SMYD3: variants seen among roughly 807,000 people sequenced by gnomAD.
The protein encoded by SMYD3 is SET and MYND domain containing 3.
Under a neutral mutation model 57.7 loss-of-function variants are expected in SMYD3, and 36 were observed. The observed-to-expected ratio is 0.62, with a 90% CI of 0.48 to 0.82. SMYD3 has a LOEUF of 0.82. Ranked by LOEUF, SMYD3 falls within the 40% of genes least tolerant of loss-of-function variation. SMYD3 has a pLI of 0.00. For synonymous variants in SMYD3, 211 were observed against 195.0 expected, an observed-to-expected ratio of 1.08 and a Z score of -0.68; for missense variants, 515 against 538.8, an observed-to-expected ratio of 0.96 and a Z score of 0.44.
intron 5 of SMYD3, among the ~76,000 whole-genome samples, chr1:246,221,075 C>T (rs1054408697): frequency 6.6e-6 from 1 of 152,056 alleles, no homozygotes; most frequent in South Asian, 2.1e-4. Flanking sequence ...CTGCAGAGAA[C>T]AGTCTCTTAC....
At chr1:246,207,421 G>A (rs933986504) in intron 5 of SMYD3, among the ~76,000 whole-genome samples, 1 of 152,000 alleles carries the variant, frequency 6.6e-6, no homozygotes, top group Non-Finnish European at 1.5e-5. Context: ...ATCTCTTAGC[G>A]CTCCAAGATG....
chr1:245,949,309 C>CGTG (rs1306109705), intron 5 of SMYD3, among the ~76,000 whole-genome samples: 3 of 152,242 alleles, frequency 2.0e-5, no homozygotes, highest in East Asian at 3.9e-4. Flanking sequence ...ACATTTAGCC[C>CGTG]ACCACCGCCA....
chr1:246,077,031 G>T (rs1338954775), intron 5 of SMYD3, among the ~76,000 whole-genome samples: 1 of 152,132 alleles, frequency 6.6e-6, no homozygotes, highest in Non-Finnish European at 1.5e-5. Flanking sequence ...AGGTAAGCTG[G>T]GGGTGGGGAA....
In SMYD3 at chr1:245,893,021, T is replaced by G. The variant is rs565561472; in HGVS notation, c.813+22509A>C. The stretch of plus-strand genomic sequence containing the variant: ...GTACAGGATAAAGAACTCTCAAAAC[T>G]CAGTAAGAAAACACCCAATTTTTAA... On this transcript the variant is annotated intron_variant, in intron 8 of 11. Transcript: ENST00000490107. Among the ~76,000 whole-genome samples the G allele has an allele frequency of 2.7e-4, 41 of 152,170 alleles. 1 individual carries two copies. The highest frequency in any genetic ancestry group is 8.2e-4 in the African/African-American group (34 of 41,500).
chr1:245,803,414 CCAATTTCACGTATGAACT>C (rs1231096514), intron 10 of SMYD3, among the ~76,000 whole-genome samples: 22 of 145,252 alleles, frequency 1.5e-4, no homozygotes, highest in African/African-American at 6.3e-4. Context: ...TATGAACTGG[CCAATTTCACGTATGAACT>C]GGCCAATTTC....
At chr1:246,420,625 G>A (rs547739685) in intron 1 of SMYD3, among the ~76,000 whole-genome samples, 6 of 152,270 alleles carry the variant, frequency 3.9e-5, no homozygotes, top group South Asian at 2.1e-4. Flanking sequence ...GATTTCCTAC[G>A]CAGGTGAAAG....
chr1:245,777,029 TACG>T (rs1444225228), intron 10 of SMYD3, among the ~76,000 whole-genome samples: 2 of 152,192 alleles, frequency 1.3e-5, no homozygotes, highest in Non-Finnish European at 2.9e-5. Context: ...ACACTTGCTC[TACG>T]ACAAAGGAGT....
At chr1:246,075,851 G>A (rs1316171098) in intron 5 of SMYD3, among the ~76,000 whole-genome samples, 2 of 149,318 alleles carry the variant, frequency 1.3e-5, no homozygotes, top group Non-Finnish European at 3.0e-5. Context: ...CATGAAATGG[G>A]ACAATGTTAA....
At chr1:246,412,790 G>A (rs1258631200) in intron 1 of SMYD3, among the ~76,000 whole-genome samples, 5 of 150,726 alleles carry the variant, frequency 3.3e-5, no homozygotes, top group African/African-American at 2.4e-5. Flanking sequence ...CTCGGGAGGC[G>A]GAGGTTGCTG....
chr1:245,872,161 G>A (rs1021264825), intron 8 of SMYD3, among the ~76,000 whole-genome samples: 11 of 152,238 alleles, frequency 7.2e-5, no homozygotes, highest in Non-Finnish European at 1.5e-4. Flanking sequence ...TGAAAAGCAT[G>A]TCTTCCAGAT....
intron 5 of SMYD3, among the ~76,000 whole-genome samples, chr1:246,065,957 C>A (rs561411305): frequency 3.2e-4 from 48 of 152,134 alleles, no homozygotes; most frequent in African/African-American, 1.0e-3. Flanking sequence ...TTTTTTTCTC[C>A]TTTACATCTG....
At chr1:246,148,584 G>A (rs2878082) in intron 5 of SMYD3, among the ~76,000 whole-genome samples, 71,569 of 151,942 alleles carry the variant, frequency 0.47, 20,560 homozygotes, top group Non-Finnish European at 0.66. Context: ...GCGACACCCC[G>A]AAGATCACAT....
intron 5 of SMYD3, among the ~76,000 whole-genome samples, chr1:246,287,622 A>G (rs1475961310): frequency 6.6e-6 from 1 of 152,168 alleles, no homozygotes. Flanking sequence ...TGGGAATACT[A>G]TTCTTGAAGT....
intron 10 of SMYD3, among the ~76,000 whole-genome samples, chr1:245,813,102 C>A (rs2048583505): frequency 6.6e-6 from 1 of 150,496 alleles, no homozygotes; most frequent in African/African-American, 2.5e-5. Context: ...GTAACCTCCG[C>A]CTCCCAGGTT....
chr1:246,035,166 G>T (rs1471807602), intron 5 of SMYD3: 1 of 152,152 alleles, frequency 6.6e-6, no homozygotes, highest in East Asian at 1.9e-4. Flanking sequence ...TCCATACACT[G>T]TCCAACTCTT....
intron 5 of SMYD3, among the ~76,000 whole-genome samples, chr1:246,017,762 A>C (rs1210248663): frequency 6.6e-6 from 1 of 152,158 alleles, no homozygotes; most frequent in African/African-American, 2.4e-5. Context: ...ACTCTGAGAG[A>C]ATGCATATAT....
chr1:245,851,031 A>G (rs10924361), intron 10 of SMYD3, among the ~76,000 whole-genome samples: 30,037 of 151,996 alleles, frequency 0.2, 4,308 homozygotes, highest in East Asian at 0.59. Flanking sequence ...AGGCTTTAAA[A>G]TAGTAGAATG....
In SMYD3 at chr1:245,927,946, G is replaced by C; in HGVS notation, c.687C>G (p.Ile229Met). The C allele has an allele frequency of 1.2e-6, 2 of 1,611,546 alleles. No individual in the cohort carries two copies. Among genetic ancestry groups the C allele is most frequent in the East Asian group, 2.2e-5 (1 of 44,806 alleles). ...GTTTCCTTACCTCCTCTCCCACCTC[G>C]ATGTCTCGGACTGCTCGCAGTAAGA... The part of the protein sequence containing the change: ...PHLLLRAVRD[I>M]EVGEELTICY... Residue 229 changes from isoleucine to methionine, a missense_variant, in exon 7 of 12, where the codon ATC becomes ATG. Ile to Met is a conservative substitution (Grantham distance 10). Coordinates refer to ENST00000490107, the MANE Select transcript of SMYD3 (RefSeq NM_001167740.2).
intron 5 of SMYD3, among the ~76,000 whole-genome samples, chr1:246,153,484 G>A (rs2061975882): frequency 6.6e-6 from 1 of 152,058 alleles, no homozygotes; most frequent in African/African-American, 2.4e-5. Context: ...TTGGCCGATT[G>A]CTTTTCAGGG....
Sources: gnomAD v4.1 joint callset for allele counts (sites outside exome capture counted in the v4.1 genomes callset) on GRCh38, gnomAD v4.1.1 for gene constraint, MANE v1.5 for transcripts, NCBI Gene and HGNC (gene_info 2026-07-23, HGNC 2026-07-21) for gene names.